GRK6: variants seen among roughly 807,000 people sequenced by gnomAD.
GRK6 encodes G protein-coupled receptor kinase 6.
Under a neutral mutation model 80.8 loss-of-function variants are expected in GRK6, and 37 were observed. That is an observed-to-expected ratio of 0.46 (90% CI 0.35 to 0.60). The LOEUF (loss-of-function observed/expected upper bound fraction) is 0.60. Among genes scored for constraint, GRK6 ranks in the 20% least tolerant of loss-of-function variants. GRK6 has a pLI of 0.00. For synonymous variants in GRK6, 295 were observed against 320.9 expected (o/e 0.92, Z 0.86); for missense variants, 560 against 784.6 (o/e 0.71, Z 3.42).
At chr5:177,432,166 C>T in intron 3 of GRK6, 59 bp downstream of exon 3, 2 of 1,607,814 alleles carry the variant, frequency 1.2e-6, no homozygotes, top group Non-Finnish European at 1.7e-6. Flanking sequence ...GCCCCATGTG[C>T]CCCTCCTCCC....
intron 12 of GRK6, 53 bp downstream of exon 12, chr5:177,436,334 T>TTGCCAC: frequency 1.3e-6 from 2 of 1,556,022 alleles, no homozygotes; most frequent in Non-Finnish European, 1.8e-6. Context: ...GATGCACCTT[T>TTGCCAC]CCCTCCCTCC....
rs1030452896 is a variant in GRK6, at chr5:177,429,574, C to G, written c.53-1298C>G. On this transcript the variant is annotated intron_variant, in intron 1 of 15. Coordinates refer to ENST00000355472, the MANE Select transcript of GRK6 (RefSeq NM_001004106.3). The surrounding 1 kb of genome is among the most constrained non-coding windows in gnomAD (Gnocchi z 4.3). Reference sequence around the variant, plus strand: ...CGCAGGAGGCCTCTAGCAAGTTTCTCAATGGGCCCCTGCAGTACTTCCTTC... The same window carrying G: ...CGCAGGAGGCCTCTAGCAAGTTTCTGAATGGGCCCCTGCAGTACTTCCTTC... Among the ~76,000 whole-genome samples the G allele has an allele frequency of 4.6e-5, 7 of 152,174 alleles. No individual in the cohort carries two copies. Among genetic ancestry groups the G allele is most frequent in the Non-Finnish European group, 1.0e-4 (7 of 68,030 alleles).
intron 13 of GRK6, 51 bp from the exon 14 acceptor site, chr5:177,440,649 C>CGCGTGT (rs1764436636): frequency 6.2e-7 from 1 of 1,600,848 alleles, no homozygotes; most frequent in African/African-American, 1.3e-5. Context: ...GAGCTGCCTT[C>CGCGTGT]GCGTGTGCGT....
At chr5:177,434,514 C>G (rs969610362) in intron 9 of GRK6, among the ~76,000 whole-genome samples, 1 of 152,210 alleles carries the variant, frequency 6.6e-6, no homozygotes, top group African/African-American at 2.4e-5. Flanking sequence ...AGAGAGAACC[C>G]TGGCTCTGAT....
intron 13 of GRK6, among the ~76,000 whole-genome samples, chr5:177,436,883 T>TTTCTC (rs1253442599): frequency 6.6e-6 from 1 of 151,990 alleles, no homozygotes; most frequent in East Asian, 1.9e-4. Context: ...TCTCTTCTCT[T>TTTCTC]TTCTCTTCTC....
rs372493562 is a variant in GRK6 at position 177,440,680 on chromosome 5, C to T, written c.1405-20C>T. The T allele has an allele frequency of 3.6e-5, 58 of 1,612,594 alleles. No individual in the cohort carries two copies. Among genetic ancestry groups the T allele is most frequent in the African/African-American group, 3.5e-4 (26 of 74,918 alleles). On this transcript the variant is annotated intron_variant, in intron 13 of 15. Coordinates refer to ENST00000355472, the MANE Select transcript of GRK6 (RefSeq NM_001004106.3). ...TGCGTGTGTGTGTTTCCTATCTGACCGTTGCCTCTGTCCCACCAGCCCCAG... is the reference window on the plus strand; with the variant it reads ...TGCGTGTGTGTGTTTCCTATCTGACTGTTGCCTCTGTCCCACCAGCCCCAG...
intron 9 of GRK6, among the ~76,000 whole-genome samples, chr5:177,434,658 C>T (rs1008856662): frequency 1.4e-4 from 21 of 152,224 alleles, no homozygotes; most frequent in East Asian, 1.9e-4. Flanking sequence ...GAGGCCCCTC[C>T]GGGGTGGAGC....
At chr5:177,432,610 C>A in intron 4 of GRK6, 96 bp from the exon 5 acceptor site, 1 of 881,238 alleles carries the variant, frequency 1.1e-6, no homozygotes, top group Non-Finnish European at 1.8e-6. Context: ...TGCAGCCTCT[C>A]ATGGCACCAG....
chr5:177,427,072 C>T (rs1763702490), intron 1 of GRK6, among the ~76,000 whole-genome samples, 175 bp downstream of exon 1: 1 of 152,166 alleles, frequency 6.6e-6, no homozygotes, highest in South Asian at 2.1e-4. Flanking sequence ...GCACCTGCCC[C>T]CGGGATTCGG....
At chr5:177,432,952 G>A (rs1581678499) in intron 5 of GRK6, 146 bp downstream of exon 5, 4 of 793,086 alleles carry the variant, frequency 5.0e-6, no homozygotes, top group Non-Finnish European at 8.3e-6. Flanking sequence ...ACCTGAGCAG[G>A]CTGCCTCCCC....
In GRK6 at chr5:177,433,656, A is replaced by G. The variant is rs1313328721; in HGVS notation, c.718A>G (p.Lys240Glu). 1 of 1,613,958 alleles carries G rather than the reference A, an allele frequency of 6.2e-7. No homozygotes were observed. The highest frequency in any genetic ancestry group is 1.3e-5 in the African/African-American group (1 of 74,918). ...GCTGAACGAGAAGCAGATCCTGGAG[A>G]AAGTGAACAGTAGGTTTGTAGTAAG... ...MALNEKQILE[K>E]VNSRFVVSLA... Residue 240 changes from lysine to glutamate, a missense_variant, in exon 8 of 16, where the codon AAA becomes GAA. This residue lies in a region of GRK6 where 77 missense variants were observed against 156.9 expected (regional missense o/e 0.49). Transcript: ENST00000355472.
chr5:177,429,617 G>A lies in GRK6; in HGVS notation c.53-1255G>A, dbSNP rs1460086306. Among the ~76,000 whole-genome samples, 5 of 152,284 alleles carry A rather than the reference G, an allele frequency of 3.3e-5. No homozygotes were observed. Among genetic ancestry groups the A allele is most frequent in the African/African-American group, 4.8e-5 (2 of 41,560 alleles). On this transcript the variant is annotated intron_variant, in intron 1 of 15. Coordinates refer to ENST00000355472, the MANE Select transcript of GRK6 (RefSeq NM_001004106.3). This position sits in a 1 kb window ranked among gnomAD's most constrained non-coding sequence, Gnocchi z 4.3. The stretch of plus-strand genomic sequence containing the variant: ...CTTCCTTCTCCAGGCAGCTTAGGTC[G>A]GGGAGTCATCTAGGGACCTAGCCTT...
At chr5:177,431,301 C>G (rs1283825609) in intron 2 of GRK6, among the ~76,000 whole-genome samples, 1 of 152,216 alleles carries the variant, frequency 6.6e-6, no homozygotes, top group Non-Finnish European at 1.5e-5. Flanking sequence ...GGCCAGCCCA[C>G]AGACTGACTG....
At position 177,441,801 on chromosome 5, in the gene GRK6, G is replaced by A. The variant is rs1307389042; in HGVS notation, c.*11G>A. 1.5e-5 allele frequency: 24 copies of A among 1,610,458 alleles called. No homozygotes were observed. Among genetic ancestry groups the A allele is most frequent in the South Asian group, 6.6e-5 (6 of 91,008 alleles). On this transcript the variant is annotated 3_prime_UTR_variant, in exon 16 of 16. Transcript: ENST00000355472. ...CCCACCCGCCTCTAGCCCCCAGCCC[G>A]AGGCCCCCACCAGCAGTTGGCGGTA...
At position 177,432,015 on chromosome 5, in the gene GRK6, T is replaced by C; in HGVS notation, c.169T>C (p.Cys57Arg). 6.2e-7 allele frequency: 1 copy of C among 1,613,346 alleles called. No homozygotes were observed. Among genetic ancestry groups the C allele is most frequent in the Non-Finnish European group, 8.5e-7 (1 of 1,179,878 alleles). ...AACAGAGCGTGACTATCACAGCCTG[T>C]GCGAGCGGCAGCCCATTGGGCGCCT... The part of the protein sequence containing the change: ...LSLERDYHSL[C>R]ERQPIGRLLF... The change falls in exon 3 of 16, where the codon TGC becomes CGC. Residue 57 changes from cysteine (C) to arginine (R), a missense_variant. By Grantham distance (180) the Cys-to-Arg change is radical. Coordinates refer to ENST00000355472, the MANE Select transcript of GRK6 (RefSeq NM_001004106.3).
At chr5:177,426,342 A>G (rs1763663268), upstream of GRK6, among the ~76,000 whole-genome samples, 1 of 152,136 alleles carries the variant, frequency 6.6e-6, no homozygotes, top group Non-Finnish European at 1.5e-5. Context: ...ACCCAATCAC[A>G]TATTCGGCCT....
intron 9 of GRK6, 92 bp from the exon 10 acceptor site, chr5:177,434,809 TG>T: frequency 7.0e-7 from 1 of 1,418,974 alleles, no homozygotes; most frequent in Non-Finnish European, 9.9e-7. Context: ...GCTCCACACC[TG>T]GCCCCCGGAG....
rs559680593 is a variant in GRK6, at chr5:177,436,058, A to G, written c.1058-15A>G. 8.9e-5 allele frequency: 144 copies of G among 1,609,140 alleles called. No homozygotes were observed. The African/African-American group carries it at 1.8e-3, about 20-fold the overall frequency. ...CGCCTCCTGCCCAGCCCTAACTCCC[A>G]TGCCGCCCGCCCAGCTCCGGAGGTG... is the stretch of plus-strand genomic sequence containing the variant. On this transcript the variant is annotated splice_polypyrimidine_tract_variant and intron_variant, in intron 11 of 15. Transcript: ENST00000355472.
Position 177,426,694 on chromosome 5 carries a change from T to A in GRK6, c.-152T>A, listed in dbSNP as rs1763684716. On this transcript the variant is annotated 5_prime_UTR_variant, in exon 1 of 16. Coordinates refer to ENST00000355472, the MANE Select transcript of GRK6 (RefSeq NM_001004106.3). ...AGGGGGCGGAGAGTGCGCGGCTGGC[T>A]GCGGCGGCCGGGGAGGCCGGGGAGG... 1 of 221,868 alleles carries A rather than the reference T, an allele frequency of 4.5e-6. No homozygotes were observed. The highest frequency in any genetic ancestry group is 1.6e-4 in the South Asian group (1 of 6,244). 13.7% of individuals were successfully genotyped at this position (221,868 alleles called of 1,614,324 possible).
Sources: gnomAD v4.1 joint callset for allele counts (sites outside exome capture counted in the v4.1 genomes callset) on GRCh38, gnomAD v4.1.1 for gene constraint, gnomAD v4.1.1 regional missense constraint, Gnocchi (gnomAD v3.1) non-coding constraint, MANE v1.5 for transcripts, NCBI Gene and HGNC (gene_info 2026-07-23, HGNC 2026-07-21) for gene names.